The following USP43 variants were observed in gnomAD, a reference collection of about 807,000 sequenced individuals.
The protein encoded by USP43 is ubiquitin carboxyl-terminal hydrolase 43.
USP43 carries 33 observed loss-of-function variants against 90.7 expected under a neutral mutation model. That is an observed-to-expected ratio of 0.36 (90% CI 0.28 to 0.49). The LOEUF (loss-of-function observed/expected upper bound fraction) is 0.49. Ranked by LOEUF, USP43 falls within the 20% of genes least tolerant of loss-of-function variation. The pLI is 0.98. For synonymous variants in USP43, 598 were observed against 615.8 expected, an observed-to-expected ratio of 0.97 and a Z score of 0.43; for missense variants, 1,274 against 1,476.4, an observed-to-expected ratio of 0.86 and a Z score of 2.25.
chr17:9,694,144 C>T (rs1417470643), intron 9 of USP43, among the ~76,000 whole-genome samples: 3 of 152,206 alleles, frequency 2.0e-5, no homozygotes, highest in East Asian at 3.9e-4. Flanking sequence ...TTCCCATAGA[C>T]CCCCAGGTTC....
At chr17:9,657,877 T>G (rs1213470121) in intron 2 of USP43, among the ~76,000 whole-genome samples, 2 of 152,016 alleles carry the variant, frequency 1.3e-5, no homozygotes, top group African/African-American at 4.8e-5. Flanking sequence ...GTGAGCAAAG[T>G]TATTTTAACA....
intron 8 of USP43, among the ~76,000 whole-genome samples, chr17:9,688,856 T>C (rs897561223): frequency 2.0e-5 from 3 of 151,964 alleles, no homozygotes; most frequent in Non-Finnish European, 4.4e-5. Flanking sequence ...CCAGCTAACT[T>C]TTTTTTGTTT....
At chr17:9,726,927 C>T (rs1439998605) in intron 14 of USP43, among the ~76,000 whole-genome samples, 1 of 152,112 alleles carries the variant, frequency 6.6e-6, no homozygotes, top group East Asian at 1.9e-4. Context: ...TCATGTAAAA[C>T]AAGGCATTTT....
intron 9 of USP43, among the ~76,000 whole-genome samples, chr17:9,697,250 G>T (rs1032608594): frequency 1.3e-5 from 2 of 151,686 alleles, no homozygotes; most frequent in African/African-American, 4.8e-5. Flanking sequence ...AAATAAAAAA[G>T]ATAAAAATTT....
rs151187123 is a variant in USP43, at chr17:9,650,956, G to T, written c.504+4820G>T. Among the ~76,000 whole-genome samples, 24 of 152,188 alleles carry T rather than the reference G, an allele frequency of 1.6e-4. No individual in the cohort carries two copies. In the Middle Eastern group the frequency reaches 0.01, roughly 65 times the overall value. ...CCGAGCAATGGACACTGGACCCAGC[G>T]TGCAGTCTTTCATCCTTCACCCGTC... On this transcript the variant is annotated intron_variant, in intron 1 of 14. Coordinates refer to ENST00000285199, the MANE Select transcript of USP43 (RefSeq NM_153210.5).
chr17:9,663,458 T>C (rs542860067), intron 2 of USP43, among the ~76,000 whole-genome samples: 9 of 151,936 alleles, frequency 5.9e-5, no homozygotes, highest in East Asian at 3.9e-4. Context: ...CCACCATGCC[T>C]GGCTAATTTA....
At chr17:9,649,035 G>A (rs1255082179) in intron 1 of USP43, among the ~76,000 whole-genome samples, 1 of 151,122 alleles carries the variant, frequency 6.6e-6, no homozygotes, top group Non-Finnish European at 1.5e-5. Context: ...CTGTCACCCA[G>A]GCTGGAGTAT....
chr17:9,674,928 A>G lies in USP43; in HGVS notation c.778A>G (p.Asn260Asp). 2 of 1,614,042 alleles carry G rather than the reference A, an allele frequency of 1.2e-6. No homozygotes were observed. The highest frequency in any genetic ancestry group is 2.2e-5 in the South Asian group (2 of 91,084). The change falls in exon 4 of 15, where the codon AAC becomes GAC. Residue 260 changes from asparagine to aspartate, a missense_variant. This residue lies in a region of USP43 where 259 missense variants were observed against 373.7 expected (regional missense o/e 0.69). Coordinates refer to ENST00000285199, the MANE Select transcript of USP43 (RefSeq NM_153210.5). This position sits in a 1 kb window ranked among gnomAD's most constrained non-coding sequence, Gnocchi z 4.4. Reference sequence around the variant, plus strand: ...TTGTCCCCACTGCCTGAAACAGAGCAACACCTTTGATCCTTTCCTGTGTGT... The same window carrying G: ...TTGTCCCCACTGCCTGAAACAGAGCGACACCTTTGATCCTTTCCTGTGTGT... ...LTCPHCLKQS[N>D]TFDPFLCVSL...
intron 14 of USP43, among the ~76,000 whole-genome samples, chr17:9,723,822 G>A (rs536865628): frequency 3.3e-5 from 5 of 151,612 alleles, no homozygotes; most frequent in East Asian, 2.0e-4. Context: ...TTGGTCAGGC[G>A]GGTCTTGAAC....
At chr17:9,715,243 G>A (rs759330853) in intron 14 of USP43, among the ~76,000 whole-genome samples, 32 of 152,106 alleles carry the variant, frequency 2.1e-4, no homozygotes, top group African/African-American at 2.7e-4. Flanking sequence ...GGAGGATCGC[G>A]TGAGTCCAAG....
Position 9,645,726 on chromosome 17 carries a change from C to A in USP43, c.94C>A (p.Leu32Met). ...CCTGCGCCGCCTGTTCAGCCGCTTC[C>A]TGCTGGCGCTGGGCAGCCGCTCACG... Reference protein sequence around the residue: ...RSLRRLFSRFLLALGSRSRPG... With the variant: ...RSLRRLFSRFMLALGSRSRPG... The change falls in exon 1 of 15, where the codon CTG becomes ATG. Residue 32 changes from leucine to methionine, a missense_variant. Around this residue, in one of 6 missense-constraint regions of USP43, gnomAD observed 112 missense variants for 106.6 expected, o/e 1.05. Coordinates refer to ENST00000285199, the MANE Select transcript of USP43 (RefSeq NM_153210.5). The surrounding 1 kb of genome is among the most constrained non-coding windows in gnomAD (Gnocchi z 6.8). The A allele has an allele frequency of 7.3e-7, 1 of 1,364,676 alleles. No homozygotes were observed. The highest frequency in any genetic ancestry group is 9.4e-7 in the Non-Finnish European group (1 of 1,064,690). 84.5% of individuals were successfully genotyped at this position (1,364,676 alleles called of 1,614,324 possible).
chr17:9,645,923 G>A lies in USP43; in HGVS notation c.291G>A (p.Pro97=). The A allele has an allele frequency of 1.4e-6, 2 of 1,474,414 alleles. No individual in the cohort carries two copies. The highest frequency in any genetic ancestry group is 9.0e-7 in the Non-Finnish European group (1 of 1,115,880). 91.3% of individuals were successfully genotyped at this position (1,474,414 alleles called of 1,614,324 possible). Residue 97 remains proline (P), a synonymous_variant, in exon 1 of 15, where the codon CCG becomes CCA. Transcript: ENST00000285199. This position sits in a 1 kb window ranked among gnomAD's most constrained non-coding sequence, Gnocchi z 6.8. ...LQLPAGDGAR[P]PGAQGLKNHG... Reference sequence around the variant, plus strand: ...TCCCCGCCGGCGATGGGGCGCGGCCGCCGGGCGCTCAGGGCTTGAAGAACC... The same window carrying A: ...TCCCCGCCGGCGATGGGGCGCGGCCACCGGGCGCTCAGGGCTTGAAGAACC...
rs112169898 is a variant in USP43 at position 9,674,478 on chromosome 17, G to A, written c.741-413G>A. On this transcript the variant is annotated intron_variant, in intron 3 of 14. Transcript: ENST00000285199. This position sits in a 1 kb window ranked among gnomAD's most constrained non-coding sequence, Gnocchi z 4.4. ...CACCAATTTGCTTTCTGTGTCTATG[G>A]CATTACCTGTTCTGGATACTTCATA... 4.0e-3 allele frequency among the ~76,000 whole-genome samples: 610 copies of A among 152,148 alleles called. 6 individuals are homozygous for A. The highest frequency in any genetic ancestry group is 0.014 in the African/African-American group (590 of 41,522).
Position 9,729,198 on chromosome 17 carries a change from T to A in USP43, c.*208T>A. 2.5e-6 allele frequency: 1 copy of A among 397,584 alleles called. No homozygotes were observed. Among genetic ancestry groups the A allele is most frequent in the Non-Finnish European group, 4.3e-6 (1 of 231,114 alleles). 24.6% of individuals were successfully genotyped at this position (397,584 alleles called of 1,614,324 possible). ...ACCCAAGGTCGAAAACCTTCCTGCATCATTGGGTGCTTTGCTACAGTTTGG... is the reference window on the plus strand; with the variant it reads ...ACCCAAGGTCGAAAACCTTCCTGCAACATTGGGTGCTTTGCTACAGTTTGG... On this transcript the variant is annotated 3_prime_UTR_variant, in exon 15 of 15. Coordinates refer to ENST00000285199, the MANE Select transcript of USP43 (RefSeq NM_153210.5).
At position 9,724,652 on chromosome 17, in the gene USP43, C is replaced by T. The variant is rs531016948; in HGVS notation, c.2336-3302C>T. On this transcript the variant is annotated intron_variant, in intron 14 of 14. Transcript: ENST00000285199. ...CCGAGATCACACCACTGGACTGCAGCCTGGGGGACAAGAGCGAGACTCTGT... is the reference window on the plus strand; with the variant it reads ...CCGAGATCACACCACTGGACTGCAGTCTGGGGGACAAGAGCGAGACTCTGT... 3.3e-5 allele frequency among the ~76,000 whole-genome samples: 5 copies of T among 152,288 alleles called. No homozygotes were observed. In the South Asian group the frequency reaches 1.0e-3, roughly 32 times the overall value.
At chr17:9,721,575 G>A (rs1205637387) in intron 14 of USP43, among the ~76,000 whole-genome samples, 1 of 152,110 alleles carries the variant, frequency 6.6e-6, no homozygotes, top group Non-Finnish European at 1.5e-5. Context: ...AATGTATATT[G>A]TCTATTTGAG....
intron 2 of USP43, among the ~76,000 whole-genome samples, chr17:9,657,638 G>C (rs116247061): frequency 1.4e-4 from 21 of 152,248 alleles, no homozygotes; most frequent in African/African-American, 4.6e-4. Flanking sequence ...GGAGAAGTAC[G>C]TACCTCCTTC....
rs56253124 is a variant in USP43, at chr17:9,713,272, A to G, written c.2335+1140A>G. Among the ~76,000 whole-genome samples, 225 of 152,160 alleles carry G rather than the reference A, an allele frequency of 1.5e-3. 4 individuals are homozygous for G. The Middle Eastern group carries it at 0.024, about 16-fold the overall frequency. On this transcript the variant is annotated intron_variant, in intron 14 of 14. Transcript: ENST00000285199. ...CCTGGCTAATTTTTGTACTTTTCGT[A>G]GAGACAGGGTTTCATCATGTTGGTC...
chr17:9,663,210 C>A (rs1912765067), intron 2 of USP43, among the ~76,000 whole-genome samples: 1 of 151,996 alleles, frequency 6.6e-6, no homozygotes, highest in Non-Finnish European at 1.5e-5. Context: ...GTTGAGAAAT[C>A]ATGGAGCAAA....
Sources: gnomAD v4.1 joint callset for allele counts (sites outside exome capture counted in the v4.1 genomes callset) on GRCh38, gnomAD v4.1.1 for gene constraint, gnomAD v4.1.1 regional missense constraint, Gnocchi (gnomAD v3.1) non-coding constraint, MANE v1.5 for transcripts, NCBI Gene and HGNC (gene_info 2026-07-23, HGNC 2026-07-21) for gene names.